Variants in DMBT1 observed in about 807,000 individuals in gnomAD.
DMBT1 encodes the protein scavenger receptor cysteine-rich domain-containing protein DMBT1.
DMBT1 carries 198 observed loss-of-function variants against 252.9 expected under a neutral mutation model. The observed-to-expected ratio is 0.78, with a 90% CI of 0.70 to 0.88. The LOEUF (loss-of-function observed/expected upper bound fraction) is 0.88. DMBT1 is among the 40% of genes least tolerant of loss of function. DMBT1 has a pLI of 0.00. For missense variants in DMBT1, 2,432 were observed against 2,404.7 expected (o/e 1.01, Z -0.24); for synonymous variants, 990 against 942.7 (o/e 1.05, Z -0.92).
intron 55 of DMBT1, among the ~76,000 whole-genome samples, chr10:122,641,249 G>C (rs529725860): frequency 6.6e-6 from 1 of 152,256 alleles, no homozygotes; most frequent in Admixed American, 6.5e-5. Context: ...AGTGGGGTTT[G>C]ACTCTTCTGC....
In DMBT1 at chr10:122,630,508, C is replaced by CA. The variant is rs778955277; in HGVS notation, c.6025+19dup. 5 of 1,612,090 alleles carry CA rather than the reference C, an allele frequency of 3.1e-6. No individual in the cohort carries two copies. The African/African-American group carries it at 6.7e-5, about 21-fold the overall frequency. On this transcript the variant is annotated intron_variant, in intron 48 of 55. Transcript: ENST00000338354. ...CCCAAGCGGTAAGTGCACACTAGAC[C>CA]ATGCCTATGAGGCTTGGTGGATTTA...
chr10:122,617,383 A>T, intron 40 of DMBT1, 123 bp downstream of exon 40: 20 of 1,225,000 alleles, frequency 1.6e-5, no homozygotes, highest in Non-Finnish European at 2.3e-5. Context: ...GTTGGGTGGG[A>T]GGAAGGTGGA....
At position 122,580,877 on chromosome 10, in the gene DMBT1, C is replaced by G; in HGVS notation, c.1015C>G (p.Arg339Gly). 3.7e-6 allele frequency: 6 copies of G among 1,613,896 alleles called. No homozygotes were observed. Among genetic ancestry groups the G allele is most frequent in the Non-Finnish European group, 5.1e-6 (6 of 1,179,882 alleles). ...TCTCTTTCTCACAGCTCCCCAGTCC[C>G]GGCCGACACCCAGCCCAGGTAGGTC... ...AGVICSAPQS[R>G]PTPSPDTWPT... is the part of the protein sequence containing the mutation. Residue 339 changes from arginine to glycine, a missense_variant, in exon 11 of 56, where the codon CGG becomes GGG. By Grantham distance (125) the Arg-to-Gly change is moderately radical. Transcript: ENST00000338354.
intron 44 of DMBT1, among the ~76,000 whole-genome samples, chr10:122,624,787 G>T (rs1005496588): frequency 6.6e-6 from 1 of 152,180 alleles, no homozygotes; most frequent in Non-Finnish European, 1.5e-5. Flanking sequence ...GGAGCTGCCC[G>T]CACAATGGCT....
chr10:122,626,110 T>G, intron 46 of DMBT1, 145 bp downstream of exon 46: 1 of 684,478 alleles, frequency 1.5e-6, no homozygotes, highest in Non-Finnish European at 2.6e-6. Flanking sequence ...CCTTCACCTC[T>G]TCATTTGAAT....
At position 122,579,861 on chromosome 10, in the gene DMBT1, C is replaced by G; in HGVS notation, c.963C>G (p.His321Gln). ...WSCPHNGWLTHNCGHSEDAGV... is the reference protein window; with the variant it reads ...WSCPHNGWLTQNCGHSEDAGV... ...GCCCCCACAATGGCTGGCTCACCCA[C>G]AACTGTGGCCATAGTGAAGACGCTG... is the stretch of plus-strand genomic sequence containing the variant. The change falls in exon 10 of 56, where the codon CAC becomes CAG. Residue 321 changes from histidine to glutamine, a missense_variant. Coordinates refer to ENST00000338354, the MANE Select transcript of DMBT1 (RefSeq NM_001377530.1). 1 of 1,613,852 alleles carries G rather than the reference C, an allele frequency of 6.2e-7. No homozygotes were observed. Among genetic ancestry groups the G allele is most frequent in the African/African-American group, 1.3e-5 (1 of 75,054 alleles).
intron 16 of DMBT1, among the ~76,000 whole-genome samples, chr10:122,587,066 C>T (rs1228147724): frequency 1.3e-5 from 2 of 148,608 alleles, no homozygotes; most frequent in South Asian, 2.3e-4. Context: ...AGACATGGCA[C>T]ATCAAGCCTC....
intron 9 of DMBT1, 101 bp downstream of exon 9, chr10:122,578,860 A>G (rs971570526): frequency 8.0e-7 from 1 of 1,242,850 alleles, no homozygotes; most frequent in African/African-American, 1.5e-5. Flanking sequence ...GAGGTGGGGA[A>G]GTGGGCTAAG....
At chr10:122,590,555 TG>T in intron 17 of DMBT1, 109 bp from the exon 18 acceptor site, 2 of 1,307,496 alleles carry the variant, frequency 1.5e-6, no homozygotes, top group Admixed American at 1.7e-5. Context: ...CCCTCTGTGA[TG>T]GGGACATAGG....
chr10:122,599,500 T>C lies in DMBT1; in HGVS notation c.3280+403T>C, dbSNP rs189705314. ...CTAAAGATGCTTGTCTGAAAGTGGG[T>C]TCTCAGCTGAGACCCAGTGAGGAGG... On this transcript the variant is annotated intron_variant, in intron 26 of 55. Transcript: ENST00000338354. Among the ~76,000 whole-genome samples, 479 of 152,288 alleles carry C rather than the reference T, an allele frequency of 3.1e-3. 1 individual carries two copies. The highest frequency in any genetic ancestry group is 0.01 in the African/African-American group (435 of 41,550).
intron 14 of DMBT1, 149 bp from the exon 15 acceptor site, chr10:122,585,122 T>G: frequency 2.8e-6 from 3 of 1,067,444 alleles, no homozygotes; most frequent in Non-Finnish European, 4.2e-6. Context: ...CTTGCTGAGC[T>G]GCAGACTTGG....
In DMBT1 at chr10:122,588,821, C is replaced by A. The variant is rs1009009259; in HGVS notation, c.1784-123C>A. 7 of 1,500,602 alleles carry A rather than the reference C, an allele frequency of 4.7e-6. No homozygotes were observed. The Admixed American group carries it at 1.1e-4, about 23-fold the overall frequency. The allele number at this position is 1,500,602 out of a possible 1,614,324, so 93.0% of individuals were successfully genotyped here. ...AAGCTGAACCTCTGGTTGCAGTCAT[C>A]TTTAATCGTGACTGCCTGCCCAGGT... On this transcript the variant is annotated intron_variant, in intron 16 of 55. Transcript: ENST00000338354.
intron 6 of DMBT1, among the ~76,000 whole-genome samples, chr10:122,575,987 C>T (rs1209586784): frequency 1.3e-5 from 2 of 152,164 alleles, no homozygotes; most frequent in Non-Finnish European, 1.5e-5. Context: ...AAATGTGCTC[C>T]AAACCAACCT....
At chr10:122,574,579 C>G (rs2097695254) in intron 6 of DMBT1, among the ~76,000 whole-genome samples, 1 of 152,166 alleles carries the variant, frequency 6.6e-6, no homozygotes, top group Non-Finnish European at 1.5e-5. Flanking sequence ...ATGAAGGACA[C>G]AGAAGACACT....
intron 20 of DMBT1, among the ~76,000 whole-genome samples, chr10:122,593,225 C>G (rs940869181): frequency 1.3e-5 from 2 of 148,620 alleles, no homozygotes; most frequent in African/African-American, 4.9e-5. Flanking sequence ...TGCCTGTGGT[C>G]GGGGCTTGAA....
At chr10:122,635,909 G>T in intron 52 of DMBT1, 82 bp from the exon 53 acceptor site, 2 of 1,467,968 alleles carry the variant, frequency 1.4e-6, no homozygotes, top group Non-Finnish European at 1.9e-6. Context: ...TGGCACAGAG[G>T]TGTGACCCCA....
At chr10:122,623,957 C>T (rs1432509553) in intron 44 of DMBT1, among the ~76,000 whole-genome samples, 1 of 152,198 alleles carries the variant, frequency 6.6e-6, no homozygotes, top group Admixed American at 6.5e-5. Flanking sequence ...TGCCCACTGT[C>T]CCTGTAGCTC....
At chr10:122,643,026 T>C in intron 55 of DMBT1, 96 bp from the exon 56 acceptor site, 4 of 1,513,714 alleles carry the variant, frequency 2.6e-6, no homozygotes, top group Non-Finnish European at 3.6e-6. Context: ...GCAGGGGCAG[T>C]GAGGACAGGC....
intron 9 of DMBT1, among the ~76,000 whole-genome samples, chr10:122,579,046 G>T (rs1005378167): frequency 2.6e-5 from 4 of 152,078 alleles, no homozygotes; most frequent in African/African-American, 9.7e-5. Context: ...GAGGAAGCTG[G>T]AGTCTCTGAA....
Sources: allele counts gnomAD v4.1 joint callset (sites outside exome capture counted in the v4.1 genomes callset), GRCh38; gene constraint gnomAD v4.1.1; transcripts MANE v1.5; gene names NCBI Gene and HGNC (gene_info 2026-07-23, HGNC 2026-07-21).